The following CFTR variants were observed in gnomAD, a reference collection of about 807,000 sequenced individuals.
The protein encoded by CFTR is cystic fibrosis transmembrane conductance regulator.
CFTR carries 181 observed loss-of-function variants against 171.6 expected under a neutral mutation model. The ratio of observed to expected loss-of-function variants is 1.05; its 90% CI spans 0.93 to 1.19. CFTR has a LOEUF of 1.19. CFTR is among the 50% of genes most tolerant of loss of function. CFTR has a pLI of 0.00. For missense variants in CFTR, 1,968 were observed against 1,734.7 expected, an observed-to-expected ratio of 1.13 and a Z score of -2.39; for synonymous variants, 583 against 608.0, an observed-to-expected ratio of 0.96 and a Z score of 0.60.
At chr7:117,547,915 A>G (rs1247156547) in intron 9 of CFTR, among the ~76,000 whole-genome samples, 1 of 152,252 alleles carries the variant, frequency 6.6e-6, no homozygotes, top group South Asian at 2.1e-4. Context: ...AGTCCCTTAA[A>G]ACAAGGTGCA....
chr7:117,594,856 T>C, intron 14 of CFTR, 74 bp from the exon 15 acceptor site: 1 of 1,298,770 alleles, frequency 7.7e-7, no homozygotes. Flanking sequence ...TATTTTCATA[T>C]ATTAAAAATA....
chr7:117,548,912 G>A (rs1584793715), intron 10 of CFTR, 89 bp downstream of exon 10: 4 of 1,529,504 alleles, frequency 2.6e-6, no homozygotes, highest in Admixed American at 2.0e-5. Flanking sequence ...AGGTATTTTT[G>A]GAGAAATTCT....
chr7:117,590,877 C>A (rs1399313471), intron 13 of CFTR, among the ~76,000 whole-genome samples: 1 of 152,012 alleles, frequency 6.6e-6, no homozygotes, highest in East Asian at 1.9e-4. Flanking sequence ...GACTACTCAT[C>A]TACCTCAATA....
intron 7 of CFTR, among the ~76,000 whole-genome samples, chr7:117,538,761 A>T (rs1798999006): frequency 1.3e-5 from 2 of 152,200 alleles, no homozygotes; most frequent in Non-Finnish European, 2.9e-5. Context: ...CATAAGCTGT[A>T]ACTGGCAGAA....
At chr7:117,562,422 C>T (rs1008365713) in intron 11 of CFTR, among the ~76,000 whole-genome samples, 2 of 152,168 alleles carry the variant, frequency 1.3e-5, no homozygotes, top group South Asian at 2.1e-4. Context: ...CTTATAAATA[C>T]GGTAGTTCTG....
At chr7:117,663,226 C>A (rs1484016055) in intron 24 of CFTR, among the ~76,000 whole-genome samples, 1 of 152,062 alleles carries the variant, frequency 6.6e-6, no homozygotes, top group Non-Finnish European at 1.5e-5. Flanking sequence ...AAGTTGAAGG[C>A]ACAAAGAAAG....
At position 117,559,612 on chromosome 7, in the gene CFTR, AAT is replaced by A. The variant is rs121908776; in HGVS notation, c.1545_1546del (p.Tyr515Ter). ...ATCATCTTTGGTGTTTCCTATGATG[AAT>A]ATAGATACAGAAGCGTCATCAAAGC... On this transcript the variant is annotated frameshift_variant, in exon 11 of 27. Transcript: ENST00000003084. LOFTEE classifies it high-confidence loss of function. 4.3e-6 allele frequency: 7 copies of A among 1,613,460 alleles called. No individual in the cohort carries two copies. Among genetic ancestry groups the A allele is most frequent in the Non-Finnish European group, 4.2e-6 (5 of 1,179,578 alleles).
At chr7:117,501,785 A>C (rs574861886) in intron 1 of CFTR, among the ~76,000 whole-genome samples, 112 of 149,962 alleles carry the variant, frequency 7.5e-4, no homozygotes, top group African/African-American at 2.6e-3. Context: ...ACAAAAAAAA[A>C]AAAAAAACAA....
At chr7:117,499,735 C>T (rs1317862147) in intron 1 of CFTR, among the ~76,000 whole-genome samples, 1 of 151,460 alleles carries the variant, frequency 6.6e-6, no homozygotes, top group Non-Finnish European at 1.5e-5. Context: ...GCAGGAGGAT[C>T]TCTTAAGCCC....
At chr7:117,612,036 TATATATATATATATATAC>T (rs1472511711) in intron 20 of CFTR, among the ~76,000 whole-genome samples, 2,475 of 78,358 alleles carry the variant, frequency 0.032, 88 homozygotes, top group African/African-American at 0.07. Context: ...TATATATATA[TATATATATATATATATAC>T]ATATATATAT....
At chr7:117,621,254 A>G (rs1023877280) in intron 21 of CFTR, among the ~76,000 whole-genome samples, 1 of 152,166 alleles carries the variant, frequency 6.6e-6, no homozygotes, top group Non-Finnish European at 1.5e-5. Context: ...ATCAAGCAAG[A>G]CTTGTGAACC....
intron 24 of CFTR, among the ~76,000 whole-genome samples, chr7:117,657,891 T>A (rs1364165579): frequency 3.9e-5 from 6 of 152,326 alleles, no homozygotes; most frequent in African/African-American, 1.2e-4. Context: ...GGCTTCCATG[T>A]CCAGTGTAGA....
At chr7:117,602,238 A>G (rs368459024) in intron 15 of CFTR, among the ~76,000 whole-genome samples, 23 of 152,306 alleles carry the variant, frequency 1.5e-4, no homozygotes, top group Middle Eastern at 3.4e-3. Flanking sequence ...GTTTTGCCAC[A>G]TTGGCCAGGC....
chr7:117,643,957 C>G (rs550936428), intron 23 of CFTR, among the ~76,000 whole-genome samples: 1 of 152,196 alleles, frequency 6.6e-6, no homozygotes, highest in Non-Finnish European at 1.5e-5. Context: ...GCATGTTTGA[C>G]GTAGGAACGT....
intron 23 of CFTR, among the ~76,000 whole-genome samples, chr7:117,649,388 A>G (rs1306308683): frequency 6.7e-6 from 1 of 149,816 alleles, no homozygotes; most frequent in Non-Finnish European, 1.5e-5. Context: ...ATATCTATAT[A>G]TACACACATA....
chr7:117,637,777 T>A (rs1792849543), intron 22 of CFTR, among the ~76,000 whole-genome samples: 1 of 152,032 alleles, frequency 6.6e-6, no homozygotes, highest in African/African-American at 2.4e-5. Context: ...CTCAGGAGGC[T>A]GAGGCAGGAG....
chr7:117,667,237 T>A lies in CFTR; in HGVS notation c.*129T>A. 1 of 885,864 alleles carries A rather than the reference T, an allele frequency of 1.1e-6. No individual in the cohort carries two copies. The highest frequency in any genetic ancestry group is 3.3e-4 in the Middle Eastern group (1 of 3,074). The allele number at this position is 885,864 out of a possible 1,614,324, so 54.9% of individuals were successfully genotyped here. On this transcript the variant is annotated 3_prime_UTR_variant, in exon 27 of 27. Transcript: ENST00000003084. ...AGAAAACAAGGATGAATTAAGTTTT[T>A]TTTTAAAAAAGAAACATTTGGTAAG...
chr7:117,524,005 T>C (rs1427957802), intron 3 of CFTR, among the ~76,000 whole-genome samples: 1 of 152,238 alleles, frequency 6.6e-6, no homozygotes, highest in Non-Finnish European at 1.5e-5. Context: ...CTTTTTAAAA[T>C]ATTTGCATAC....
chr7:117,652,322 C>T (rs1793100910), intron 23 of CFTR, among the ~76,000 whole-genome samples: 1 of 152,064 alleles, frequency 6.6e-6, no homozygotes, highest in African/African-American at 2.4e-5. Flanking sequence ...TAGAGTTGTG[C>T]CTTGGTTTAT....
Sources: allele counts gnomAD v4.1 joint callset (sites outside exome capture counted in the v4.1 genomes callset), GRCh38; gene constraint gnomAD v4.1.1; transcripts MANE v1.5; gene names NCBI Gene and HGNC (gene_info 2026-07-23, HGNC 2026-07-21).